Variants in SMCO4 observed in about 807,000 individuals in gnomAD.
SMCO4 encodes single-pass membrane protein with coiled-coil domains 4.
A neutral mutation model predicts 3.6 loss-of-function variants in SMCO4; 4 were observed. That is an observed-to-expected ratio of 1.11 (90% confidence interval 0.54 to 2.53). The LOEUF (loss-of-function observed/expected upper bound fraction) is 2.53, where lower values mean the gene tolerates loss of function less well. Among genes scored for constraint, SMCO4 ranks in the 30% most tolerant of loss-of-function variants. The pLI, the probability that SMCO4 is intolerant of heterozygous loss-of-function variation, is 0.02. For synonymous variants in SMCO4, 36 were observed against 35.3 expected (o/e 1.02, Z -0.07); for missense variants, 70 against 80.8 (o/e 0.87, Z 0.51).
chr11:93,528,913 G>C (rs998684866), intron 1 of SMCO4, among the ~76,000 whole-genome samples: 1 of 152,114 alleles, frequency 6.6e-6, no homozygotes, highest in African/African-American at 2.4e-5. Flanking sequence ...AATACATCCT[G>C]TCCATCAACA....
chr11:93,541,978 C>T lies in SMCO4; in HGVS notation c.-154+1298G>A, dbSNP rs555719115. On this transcript the variant is annotated intron_variant, in intron 1 of 2. Coordinates refer to ENST00000298966, the MANE Select transcript of SMCO4 (RefSeq NM_020179.3). ...GTCCAGAGAGAGCAAGTGACTCATC[C>T]AAGGTCAAACTTCTTGCTAACACAT... is the stretch of plus-strand genomic sequence containing the variant. Among the ~76,000 whole-genome samples, 32 of 152,206 alleles carry T rather than the reference C, an allele frequency of 2.1e-4. 1 individual carries two copies. The highest frequency in any genetic ancestry group is 7.2e-4 in the African/African-American group (30 of 41,524).
chr11:93,527,538 C>T (rs1295822312), intron 1 of SMCO4, among the ~76,000 whole-genome samples: 2 of 152,182 alleles, frequency 1.3e-5, no homozygotes, highest in Non-Finnish European at 2.9e-5. Context: ...CTCACTGCAA[C>T]TTCAGCTTCT....
intron 1 of SMCO4, among the ~76,000 whole-genome samples, chr11:93,511,490 T>G (rs1163769273): frequency 6.6e-6 from 1 of 152,180 alleles, no homozygotes; most frequent in Admixed American, 6.5e-5. Flanking sequence ...ATTCTCTCCA[T>G]GTCTGTGTGG....
At chr11:93,515,123 C>T (rs1591318906) in intron 1 of SMCO4, among the ~76,000 whole-genome samples, 1 of 151,902 alleles carries the variant, frequency 6.6e-6, no homozygotes, top group South Asian at 2.1e-4. Flanking sequence ...TCAGAGAAAG[C>T]TTTTTTTTAG....
chr11:93,507,981 A>G (rs1481533158), intron 1 of SMCO4, among the ~76,000 whole-genome samples: 1 of 152,238 alleles, frequency 6.6e-6, no homozygotes, highest in Non-Finnish European at 1.5e-5. Context: ...TTTACTTTTC[A>G]TTAAAAATGC....
At chr11:93,535,263 C>T (rs747370350) in intron 1 of SMCO4, among the ~76,000 whole-genome samples, 2 of 152,200 alleles carry the variant, frequency 1.3e-5, no homozygotes, top group Admixed American at 6.5e-5. Flanking sequence ...CTTCCAGGTA[C>T]CACAATGCCA....
Position 93,499,638 on chromosome 11 carries a change from G to A in SMCO4, c.-153-290C>T, listed in dbSNP as rs756369726. Among the ~76,000 whole-genome samples the A allele has an allele frequency of 5.3e-5, 8 of 152,216 alleles. No homozygotes were observed. The South Asian group carries it at 6.2e-4, about 12-fold the overall frequency. ...AGCAGGCAGTCAAGCTTTGCTTCCTGTATTCCTGGGATTTCTACAACAAAC... is the reference window on the plus strand; with the variant it reads ...AGCAGGCAGTCAAGCTTTGCTTCCTATATTCCTGGGATTTCTACAACAAAC... On this transcript the variant is annotated intron_variant, in intron 1 of 2. Coordinates refer to ENST00000298966, the MANE Select transcript of SMCO4 (RefSeq NM_020179.3).
At chr11:93,510,874 G>A (rs1046022075) in intron 1 of SMCO4, among the ~76,000 whole-genome samples, 10 of 152,146 alleles carry the variant, frequency 6.6e-5, no homozygotes, top group African/African-American at 9.7e-5. Context: ...TGAGGTGGGC[G>A]GATCACTTGA....
chr11:93,543,229 G>GGCTC (rs1949287583), intron 1 of SMCO4, 47 bp downstream of exon 1: 1 of 144,008 alleles, frequency 6.9e-6, no homozygotes, highest in African/African-American at 2.5e-5. Context: ...CCCGCCCGCC[G>GGCTC]GCTCGCCCGC....
At chr11:93,542,442 T>A (rs1346877125) in intron 1 of SMCO4, among the ~76,000 whole-genome samples, 1 of 152,150 alleles carries the variant, frequency 6.6e-6, no homozygotes, top group East Asian at 1.9e-4. Context: ...TGCAGCCTAA[T>A]CCCACTCATC....
intron 1 of SMCO4, among the ~76,000 whole-genome samples, chr11:93,506,869 A>G (rs1948909185): frequency 6.6e-6 from 1 of 152,224 alleles, no homozygotes; most frequent in South Asian, 2.1e-4. Flanking sequence ...CTTCCGCTGC[A>G]GGCCAGAGTG....
intron 1 of SMCO4, among the ~76,000 whole-genome samples, chr11:93,516,796 G>A (rs2605624): frequency 0.018 from 2,742 of 149,690 alleles, 49 homozygotes; most frequent in Non-Finnish European, 0.025. Flanking sequence ...TCAAAAAAAA[G>A]AAAAAAAAGA....
At chr11:93,528,186 T>G (rs1202078929) in intron 1 of SMCO4, among the ~76,000 whole-genome samples, 1 of 152,184 alleles carries the variant, frequency 6.6e-6, no homozygotes, top group African/African-American at 2.4e-5. Flanking sequence ...ATGGTCTTTT[T>G]CCTACACATA....
intron 1 of SMCO4, among the ~76,000 whole-genome samples, chr11:93,532,014 A>T (rs1353522682): frequency 2.0e-5 from 3 of 152,192 alleles, no homozygotes; most frequent in Admixed American, 6.5e-5. Context: ...TGATTGTCTC[A>T]TATCTCCCTA....
intron 2 of SMCO4, among the ~76,000 whole-genome samples, chr11:93,484,057 G>A (rs1007551157): frequency 3.3e-5 from 5 of 152,250 alleles, no homozygotes; most frequent in East Asian, 1.9e-4. Flanking sequence ...CCAGGGAAAC[G>A]GAAACTTCAC....
intron 1 of SMCO4, among the ~76,000 whole-genome samples, chr11:93,537,435 T>C (rs561294366): frequency 6.6e-6 from 1 of 152,296 alleles, no homozygotes; most frequent in South Asian, 2.1e-4. Flanking sequence ...AAAAGGGTGA[T>C]AAATCAATGA....
chr11:93,509,321 C>T (rs1304194558), intron 1 of SMCO4, among the ~76,000 whole-genome samples: 1 of 149,478 alleles, frequency 6.7e-6, no homozygotes, highest in Non-Finnish European at 1.5e-5. Context: ...AAGTTGCTCA[C>T]AAGGGGCTTA....
chr11:93,497,786 G>A (rs1948792334), intron 2 of SMCO4, among the ~76,000 whole-genome samples: 1 of 152,228 alleles, frequency 6.6e-6, no homozygotes, highest in Admixed American at 6.5e-5. Flanking sequence ...ACTGGTGGGA[G>A]AAGAAAATCT....
intron 1 of SMCO4, among the ~76,000 whole-genome samples, chr11:93,504,356 G>T (rs1360231055): frequency 1.3e-5 from 2 of 152,176 alleles, no homozygotes; most frequent in Non-Finnish European, 2.9e-5. Flanking sequence ...AAGATGATGT[G>T]GCTGAAGAAG....
Sources: allele counts gnomAD v4.1 joint callset (sites outside exome capture counted in the v4.1 genomes callset), GRCh38; gene constraint gnomAD v4.1.1; transcripts MANE v1.5; gene names NCBI Gene and HGNC (gene_info 2026-07-23, HGNC 2026-07-21).